Variants in BSDC1 observed in about 807,000 individuals in gnomAD.
BSDC1 encodes the protein BSD domain-containing protein 1.
In BSDC1, 29 loss-of-function variants were observed where a neutral mutation model predicts 56.0. The observed-to-expected ratio is 0.52, with a 90% CI of 0.39 to 0.71. BSDC1 has a LOEUF of 0.71. Among genes scored for constraint, BSDC1 ranks in the 30% least tolerant of loss-of-function variants. The pLI, the probability that BSDC1 is intolerant of heterozygous loss-of-function variation, is 0.00. For synonymous variants in BSDC1, 210 were observed against 215.3 expected, an observed-to-expected ratio of 0.98 and a Z score of 0.21; for missense variants, 477 against 548.5, an observed-to-expected ratio of 0.87 and a Z score of 1.30.
intron 9 of BSDC1, 102 bp from the exon 10 acceptor site, chr1:32,368,652 A>C (rs1641947599): frequency 8.0e-6 from 12 of 1,502,694 alleles, no homozygotes; most frequent in African/African-American, 1.4e-5. Context: ...GGGTCTCACA[A>C]ATACACAAGT....
Position 32,366,923 on chromosome 1 carries a change from T to C in BSDC1, c.1261-269A>G. Reference sequence around the variant, plus strand: ...ACCAACACCAGACACCACAAGGTGATGGCTGCCTACAGGAACCAAGTCAGC... The same window carrying C: ...ACCAACACCAGACACCACAAGGTGACGGCTGCCTACAGGAACCAAGTCAGC... On this transcript the variant is annotated intron_variant, in intron 10 of 10. Coordinates refer to ENST00000455895, the MANE Select transcript of BSDC1 (RefSeq NM_018045.8). The C allele has an allele frequency of 4.2e-6, 5 of 1,204,242 alleles. No homozygotes were observed. In the East Asian group the frequency reaches 1.8e-4, roughly 43 times the overall value. The allele number at this position is 1,204,242 out of a possible 1,614,324, so 74.6% of individuals were successfully genotyped here.
At chr1:32,386,644 C>T in intron 3 of BSDC1, 135 bp downstream of exon 3, 3 of 547,524 alleles carry the variant, frequency 5.5e-6, no homozygotes, top group East Asian at 3.3e-5. Flanking sequence ...ACAATTCTTT[C>T]AAAATGGGAG....
At chr1:32,392,524 T>C (rs1308842173) in intron 2 of BSDC1, among the ~76,000 whole-genome samples, 2 of 152,120 alleles carry the variant, frequency 1.3e-5, no homozygotes, top group African/African-American at 4.8e-5. Context: ...TCATAAGTTA[T>C]GATAAGACCA....
intron 9 of BSDC1, among the ~76,000 whole-genome samples, chr1:32,375,912 G>C (rs1378151322): frequency 6.6e-6 from 1 of 152,142 alleles, no homozygotes; most frequent in African/African-American, 2.4e-5. Flanking sequence ...ATGTGAACTT[G>C]GGCAAGTTAC....
In BSDC1 at chr1:32,368,556, A is replaced by G; in HGVS notation, c.1157-6T>C. 6.2e-7 allele frequency: 1 copy of G among 1,614,074 alleles called. No individual in the cohort carries two copies. The highest frequency in any genetic ancestry group is 1.1e-5 in the South Asian group (1 of 91,072). On this transcript the variant is annotated splice_polypyrimidine_tract_variant and splice_region_variant and intron_variant, in intron 9 of 10. Transcript: ENST00000455895. ...ACTGATGTCCGTGCTTGAGCCTGGA[A>G]CCACGAGCCACAGTGTGAAAAGCAG...
At chr1:32,393,364 T>C (rs950033198) in intron 2 of BSDC1, among the ~76,000 whole-genome samples, 1 of 152,194 alleles carries the variant, frequency 6.6e-6, no homozygotes, top group Non-Finnish European at 1.5e-5. Flanking sequence ...GCATAGCCCC[T>C]ACTTAGAACT....
chr1:32,383,092 A>T (rs1187876637), intron 4 of BSDC1, among the ~76,000 whole-genome samples: 2 of 152,064 alleles, frequency 1.3e-5, no homozygotes, highest in African/African-American at 2.4e-5. Context: ...AATATGCAAC[A>T]TGAAGGAAAT....
intron 9 of BSDC1, among the ~76,000 whole-genome samples, chr1:32,372,067 G>A (rs923676688): frequency 4.6e-5 from 7 of 152,272 alleles, no homozygotes; most frequent in Admixed American, 3.9e-4. Context: ...TGGCCCTGCC[G>A]TTTGAGAAAC....
At chr1:32,384,377 G>A (rs1642596132) in intron 3 of BSDC1, among the ~76,000 whole-genome samples, 1 of 152,210 alleles carries the variant, frequency 6.6e-6, no homozygotes, top group Admixed American at 6.5e-5. Flanking sequence ...GACAAAGCTG[G>A]TTTGAATCCT....
chr1:32,391,420 G>A (rs1642860691), intron 2 of BSDC1, among the ~76,000 whole-genome samples: 1 of 152,160 alleles, frequency 6.6e-6, no homozygotes, highest in African/African-American at 2.4e-5. Context: ...GGAAGAGTTA[G>A]GTTTTGGGAA....
chr1:32,384,163 G>T (rs1642586963), intron 3 of BSDC1, 166 bp from the exon 4 acceptor site: 1 of 879,302 alleles, frequency 1.1e-6, no homozygotes, highest in African/African-American at 1.7e-5. Flanking sequence ...GGAGGCAAGG[G>T]TCCTCCATCC....
Position 32,376,281 on chromosome 1 carries a change from G to T in BSDC1, c.1137C>A (p.Pro379=). 1 of 1,524,092 alleles carries T rather than the reference G, an allele frequency of 6.6e-7. No individual in the cohort carries two copies. Among genetic ancestry groups the T allele is most frequent in the Non-Finnish European group, 8.9e-7 (1 of 1,125,790 alleles). The allele number at this position is 1,524,092 out of a possible 1,614,324, so 94.4% of individuals were successfully genotyped here. A position where few individuals can be genotyped will look rare whatever the true frequency, so the allele number is the denominator to read the frequency against. ...ELNSDSGKST[P]SNNGKKGSST... The stretch of plus-strand genomic sequence containing the variant: ...ACCTACCTTTCTTTCCATTGTTGGA[G>T]GGTGTAGACTTCCCACTATCCGAGT... The change falls in exon 9 of 11, where the codon CCC becomes CCA. Residue 379 remains proline, a synonymous_variant. Coordinates refer to ENST00000455895, the MANE Select transcript of BSDC1 (RefSeq NM_018045.8).
chr1:32,372,459 T>C (rs537127674), intron 9 of BSDC1, among the ~76,000 whole-genome samples: 3 of 152,226 alleles, frequency 2.0e-5, no homozygotes, highest in South Asian at 4.1e-4. Context: ...CTTTCAGGGG[T>C]AGAGAACAGA....
intron 2 of BSDC1, among the ~76,000 whole-genome samples, chr1:32,392,801 C>T (rs779869703): frequency 2.6e-5 from 4 of 152,308 alleles, no homozygotes; most frequent in East Asian, 1.9e-4. Context: ...TGGTGGCTCA[C>T]GCCTATAATC....
chr1:32,367,290 C>T, intron 10 of BSDC1: 1 of 985,456 alleles, frequency 1.0e-6, no homozygotes, highest in South Asian at 4.7e-5. Context: ...TTCTAGAATG[C>T]TCACGTGTAC....
At chr1:32,392,483 G>A (rs1642900199) in intron 2 of BSDC1, among the ~76,000 whole-genome samples, 1 of 151,700 alleles carries the variant, frequency 6.6e-6, no homozygotes, top group African/African-American at 2.4e-5. Context: ...TTCCAAGAAT[G>A]AAGACGGAAG....
At position 32,368,462 on chromosome 1, in the gene BSDC1, C is replaced by T; in HGVS notation, c.1245G>A (p.Val415=). 6.2e-7 allele frequency: 1 copy of T among 1,614,166 alleles called. No homozygotes were observed. The highest frequency in any genetic ancestry group is 1.3e-5 in the African/African-American group (1 of 75,052). The change falls in exon 10 of 11, where the codon GTG becomes GTA. Residue 415 remains valine, a synonymous_variant. Coordinates refer to ENST00000455895, the MANE Select transcript of BSDC1 (RefSeq NM_018045.8). ...EEEVQMALSK[V]DASGELEDVE... The stretch of plus-strand genomic sequence containing the variant: ...GCCCACTCACCTCCCCGGAGGCATC[C>T]ACTTTGGAAAGTGCCATCTGCACCT...
intron 1 of BSDC1, 42 bp downstream of exon 1, chr1:32,394,362 G>A (rs1299738974): frequency 1.9e-6 from 3 of 1,614,010 alleles, no homozygotes; most frequent in Non-Finnish European, 8.5e-7. Context: ...AACCCTGGGA[G>A]AATTCAGGCC....
chr1:32,370,238 A>G (rs1008024684), intron 9 of BSDC1, among the ~76,000 whole-genome samples: 1 of 152,166 alleles, frequency 6.6e-6, no homozygotes, highest in Non-Finnish European at 1.5e-5. Flanking sequence ...TTGACCTCCC[A>G]AAGTACTGGG....
Sources: gnomAD v4.1 joint callset for allele counts (sites outside exome capture counted in the v4.1 genomes callset) on GRCh38, gnomAD v4.1.1 for gene constraint, MANE v1.5 for transcripts, NCBI Gene and HGNC (gene_info 2026-07-23, HGNC 2026-07-21) for gene names.